The following RGL1 variants were observed in gnomAD, a reference collection of about 807,000 sequenced individuals.
RGL1 encodes the protein ral guanine nucleotide dissociation stimulator-like 1.
RGL1 carries 24 observed loss-of-function variants against 95.2 expected under a neutral mutation model. The ratio of observed to expected loss-of-function variants is 0.25; its 90% CI spans 0.18 to 0.35. The LOEUF (loss-of-function observed/expected upper bound fraction) is 0.35, where lower values mean the gene tolerates loss of function less well. Among genes scored for constraint, RGL1 ranks in the 10% least tolerant of loss-of-function variants. RGL1 has a pLI of 1.00. For synonymous variants in RGL1, 329 were observed against 344.9 expected, an observed-to-expected ratio of 0.95 and a Z score of 0.51; for missense variants, 715 against 936.3, an observed-to-expected ratio of 0.76 and a Z score of 3.08.
intron 1 of RGL1, among the ~76,000 whole-genome samples, chr1:183,732,449 C>A (rs956549508): frequency 6.6e-6 from 1 of 152,124 alleles, no homozygotes; most frequent in Non-Finnish European, 1.5e-5. Flanking sequence ...GACACCCAAC[C>A]GAGTGCTCAA....
At chr1:183,650,297 A>T (rs1426068291) in intron 1 of RGL1, among the ~76,000 whole-genome samples, 1 of 152,086 alleles carries the variant, frequency 6.6e-6, no homozygotes. Context: ...TAATCCCAGC[A>T]CTTTGGGAGG....
chr1:183,853,289 A>G (rs1664939664), intron 3 of RGL1, among the ~76,000 whole-genome samples: 1 of 152,156 alleles, frequency 6.6e-6, no homozygotes, highest in African/African-American at 2.4e-5. Context: ...AGATTGTGCC[A>G]CTGCAATCCA....
chr1:183,680,112 A>T (rs1653111849), intron 1 of RGL1, among the ~76,000 whole-genome samples: 1 of 152,124 alleles, frequency 6.6e-6, no homozygotes, highest in African/African-American at 2.4e-5. Context: ...CATTCTGGAT[A>T]GTAGCCCTTT....
At chr1:183,886,126 G>A (rs886961147) in intron 7 of RGL1, among the ~76,000 whole-genome samples, 2 of 152,162 alleles carry the variant, frequency 1.3e-5, no homozygotes, top group Middle Eastern at 3.4e-3. Context: ...TATTGATAGG[G>A]CATAATGTTA....
At chr1:183,845,237 A>T (rs186289678) in intron 2 of RGL1, among the ~76,000 whole-genome samples, 236 of 152,308 alleles carry the variant, frequency 1.5e-3, no homozygotes, top group African/African-American at 5.5e-3. Context: ...ATCACTTAGG[A>T]TTATTTTTGC....
intron 1 of RGL1, among the ~76,000 whole-genome samples, chr1:183,711,007 G>GAGGCCTCTCACTTGGGATGATGC (rs1305869248): frequency 5.9e-5 from 9 of 152,094 alleles, no homozygotes; most frequent in Admixed American, 5.9e-4. Context: ...TGCATCTTTG[G>GAGGCCTCTCACTTGGGATGATGC]AGGCCTCTCA....
At chr1:183,844,477 A>G (rs952224808) in intron 2 of RGL1, among the ~76,000 whole-genome samples, 1 of 152,198 alleles carries the variant, frequency 6.6e-6, no homozygotes, top group Non-Finnish European at 1.5e-5. Context: ...CCTCTCTTGG[A>G]GTTGAATAAC....
In RGL1 at chr1:183,897,797, C is replaced by A. The variant is rs747038153; in HGVS notation, c.1141-11C>A. 7 of 1,607,236 alleles carry A rather than the reference C, an allele frequency of 4.4e-6. No homozygotes were observed. Among genetic ancestry groups the A allele is most frequent in the Non-Finnish European group, 6.0e-6 (7 of 1,173,826 alleles). ...GTATCAATTCCCTCTGTGTGCATTT[C>A]TGTTTCTCAGGAAGGAACCTCAAAA... On this transcript the variant is annotated splice_polypyrimidine_tract_variant and intron_variant, in intron 9 of 17. Coordinates refer to ENST00000360851, the MANE Select transcript of RGL1 (RefSeq NM_001297671.3).
intron 3 of RGL1, among the ~76,000 whole-genome samples, chr1:183,856,600 ATTG>A (rs1469673070): frequency 5.2e-4 from 78 of 150,302 alleles, no homozygotes; most frequent in African/African-American, 1.8e-3. Context: ...TGTGACCAGA[ATTG>A]TTATTATTTT....
intron 2 of RGL1, among the ~76,000 whole-genome samples, chr1:183,841,334 A>C (rs1664044674): frequency 6.6e-6 from 1 of 152,234 alleles, no homozygotes; most frequent in Non-Finnish European, 1.5e-5. Context: ...ACCACATAGT[A>C]TGTAATTATT....
intron 4 of RGL1, among the ~76,000 whole-genome samples, chr1:183,878,306 C>G (rs1666637760): frequency 6.6e-6 from 1 of 152,022 alleles, no homozygotes; most frequent in Admixed American, 6.6e-5. Context: ...AATCAATCCA[C>G]CCACCTCAGC....
chr1:183,842,098 TG>T (rs1264184127), intron 2 of RGL1, among the ~76,000 whole-genome samples: 4 of 152,136 alleles, frequency 2.6e-5, no homozygotes, highest in African/African-American at 9.7e-5. Flanking sequence ...TTTTGGTGTT[TG>T]GGGATGAATG....
At chr1:183,880,240 G>A (rs551292684) in intron 4 of RGL1, among the ~76,000 whole-genome samples, 6 of 152,186 alleles carry the variant, frequency 3.9e-5, no homozygotes, top group Non-Finnish European at 8.8e-5. Context: ...GGCAGATTTT[G>A]TGGGATTTAA....
intron 2 of RGL1, among the ~76,000 whole-genome samples, chr1:183,764,889 C>T (rs1658886100): frequency 6.6e-6 from 1 of 152,194 alleles, no homozygotes; most frequent in Admixed American, 6.5e-5. Context: ...CCTGATTACC[C>T]ATATAAAGTG....
chr1:183,847,731 G>A lies in RGL1; in HGVS notation c.304G>A (p.Gly102Ser). The A allele has an allele frequency of 6.2e-7, 1 of 1,614,060 alleles. No homozygotes were observed. The highest frequency in any genetic ancestry group is 8.5e-7 in the Non-Finnish European group (1 of 1,179,956). ...CAGCATCTTTCTTTCAACGTACAGA[G>A]GCTTTGCCTCCACTAAAGAAGTGCT... ...YISIFLSTYR[G>S]FASTKEVLEL... is the part of the protein sequence containing the mutation. Residue 102 changes from glycine (G) to serine (S), a missense_variant, in exon 3 of 18, where the codon GGC (glycine) becomes AGC (serine). Transcript: ENST00000360851.
chr1:183,825,020 A>T (rs1204855564), intron 2 of RGL1, among the ~76,000 whole-genome samples: 1 of 152,214 alleles, frequency 6.6e-6, no homozygotes, highest in Non-Finnish European at 1.5e-5. Flanking sequence ...AAAAACCTAG[A>T]AGAAAGCATT....
At chr1:183,820,728 G>GA (rs1156487856) in intron 2 of RGL1, among the ~76,000 whole-genome samples, 2 of 152,112 alleles carry the variant, frequency 1.3e-5, no homozygotes, top group Non-Finnish European at 2.9e-5. Context: ...ACCAGAGTTT[G>GA]AAAAAATAAT....
At chr1:183,765,410 C>T (rs1344445467) in intron 2 of RGL1, among the ~76,000 whole-genome samples, 1 of 152,096 alleles carries the variant, frequency 6.6e-6, no homozygotes, top group Non-Finnish European at 1.5e-5. Flanking sequence ...AAATATGCCT[C>T]ATTTCTGTAT....
intron 2 of RGL1, among the ~76,000 whole-genome samples, chr1:183,767,137 T>C (rs575397488): frequency 6.6e-6 from 1 of 151,540 alleles, no homozygotes; most frequent in East Asian, 1.9e-4. Context: ...GGAAGATAGC[T>C]TGAGCCCAGG....
Sources: gnomAD v4.1 joint callset for allele counts (sites outside exome capture counted in the v4.1 genomes callset) on GRCh38, gnomAD v4.1.1 for gene constraint, MANE v1.5 for transcripts, NCBI Gene and HGNC (gene_info 2026-07-23, HGNC 2026-07-21) for gene names.